Variants in EYS observed in about 807,000 individuals in gnomAD.
EYS encodes protein eyes shut homolog.
Under a neutral mutation model 282.1 loss-of-function variants are expected in EYS, and 250 were observed. The observed-to-expected ratio is 0.89, with a 90% confidence interval of 0.80 to 0.98. The LOEUF (loss-of-function observed/expected upper bound fraction) is 0.98, where lower values mean the gene tolerates loss of function less well. EYS is among the 50% of genes least tolerant of loss of function. The pLI is 0.00. For missense variants in EYS, 4,016 were observed against 3,709.0 expected, an observed-to-expected ratio of 1.08 and a Z score of -2.15; for synonymous variants, 1,355 against 1,282.9, an observed-to-expected ratio of 1.06 and a Z score of -1.20.
intron 29 of EYS, among the ~76,000 whole-genome samples, chr6:64,338,818 G>A (rs144512215): frequency 1.3e-3 from 195 of 152,002 alleles, no homozygotes; most frequent in African/African-American, 4.5e-3. Flanking sequence ...AGACAACCCA[G>A]AAATAAACTC....
At chr6:64,953,641 T>C (rs557020704) in intron 14 of EYS, among the ~76,000 whole-genome samples, 18 of 151,962 alleles carry the variant, frequency 1.2e-4, no homozygotes, top group Non-Finnish European at 2.5e-4. Flanking sequence ...TGATTTATCT[T>C]GGTGCTTTAA....
At chr6:64,552,116 C>A (rs1765103332) in intron 26 of EYS, among the ~76,000 whole-genome samples, 1 of 152,112 alleles carries the variant, frequency 6.6e-6, no homozygotes, top group African/African-American at 2.4e-5. Context: ...TAGTTCAGGC[C>A]ATGATAGGAA....
chr6:65,313,452 C>T (rs1769216252), intron 11 of EYS, among the ~76,000 whole-genome samples: 2 of 151,682 alleles, frequency 1.3e-5, no homozygotes. Flanking sequence ...CTCAGACATA[C>T]TGTGATCACA....
chr6:64,345,816 A>G (rs555436199), intron 29 of EYS, among the ~76,000 whole-genome samples: 1 of 152,232 alleles, frequency 6.6e-6, no homozygotes, highest in Admixed American at 6.5e-5. Context: ...ACAAAGGGCT[A>G]ATATCCAGAA....
chr6:65,435,880 A>T (rs61023817), intron 5 of EYS, among the ~76,000 whole-genome samples: 1,652 of 152,278 alleles, frequency 0.011, 26 homozygotes, highest in African/African-American at 0.038. Flanking sequence ...AGGGAAGACC[A>T]TGTGAGGACA....
At chr6:64,417,633 T>G (rs1774096757) in intron 28 of EYS, among the ~76,000 whole-genome samples, 1 of 151,650 alleles carries the variant, frequency 6.6e-6, no homozygotes, top group South Asian at 2.1e-4. Context: ...GTTTTTCAAC[T>G]CTAGCAAATA....
chr6:64,316,665 C>T (rs1268298342), intron 29 of EYS, among the ~76,000 whole-genome samples: 1 of 152,052 alleles, frequency 6.6e-6, no homozygotes, highest in Non-Finnish European at 1.5e-5. Context: ...TCAATTCTAT[C>T]CCCATCAAGC....
intron 5 of EYS, among the ~76,000 whole-genome samples, chr6:65,432,411 C>A (rs1019737591): frequency 3.3e-5 from 5 of 151,884 alleles, no homozygotes; most frequent in African/African-American, 1.2e-4. Context: ...TATGTAATAA[C>A]CATTATAATT....
intron 19 of EYS, among the ~76,000 whole-genome samples, chr6:64,879,058 G>T (rs1259461928): frequency 6.6e-6 from 1 of 152,116 alleles, no homozygotes; most frequent in East Asian, 1.9e-4. Context: ...AAAATAAGTT[G>T]AATTTTATGT....
intron 8 of EYS, among the ~76,000 whole-genome samples, chr6:65,364,877 C>A (rs1764855403): frequency 6.6e-6 from 1 of 151,710 alleles, no homozygotes; most frequent in South Asian, 2.1e-4. Flanking sequence ...ATTCATTATT[C>A]AAATGCGAAA....
intron 35 of EYS, among the ~76,000 whole-genome samples, chr6:63,916,290 G>A (rs960091912): frequency 6.6e-6 from 1 of 152,204 alleles, no homozygotes; most frequent in African/African-American, 2.4e-5. Flanking sequence ...TGGTATAAAT[G>A]TAGTAGTGGA....
At chr6:65,190,035 T>C (rs1203081111) in intron 12 of EYS, among the ~76,000 whole-genome samples, 2 of 151,558 alleles carry the variant, frequency 1.3e-5, no homozygotes, top group African/African-American at 2.4e-5. Context: ...TGATATTCCC[T>C]AGTGTTTGCA....
chr6:65,385,015 C>T (rs1346064293), intron 7 of EYS, among the ~76,000 whole-genome samples: 1 of 151,806 alleles, frequency 6.6e-6, no homozygotes, highest in Non-Finnish European at 1.5e-5. Context: ...AATCTATATT[C>T]CAGTCTACTG....
At chr6:63,731,974 G>C (rs1422644771) in intron 41 of EYS, among the ~76,000 whole-genome samples, 2 of 151,982 alleles carry the variant, frequency 1.3e-5, no homozygotes, top group African/African-American at 2.4e-5. Flanking sequence ...TGGGAGGGGG[G>C]GTCTCAAGAA....
chr6:64,103,503 C>A (rs1772903431), intron 31 of EYS, among the ~76,000 whole-genome samples: 1 of 151,996 alleles, frequency 6.6e-6, no homozygotes, highest in African/African-American at 2.4e-5. Context: ...GCAAGGGGAG[C>A]AATGTAGCAA....
intron 2 of EYS, among the ~76,000 whole-genome samples, chr6:65,627,889 G>T (rs572437896): frequency 2.0e-5 from 3 of 152,200 alleles, no homozygotes; most frequent in African/African-American, 7.2e-5. Context: ...GCTCTACGGC[G>T]CCCAGTCCCA....
At chr6:65,630,625 A>G (rs868267651) in intron 2 of EYS, among the ~76,000 whole-genome samples, 29 of 152,378 alleles carry the variant, frequency 1.9e-4, no homozygotes, top group African/African-American at 6.5e-4. Context: ...TCATATGCAG[A>G]TATCTTGAAA....
intron 31 of EYS, among the ~76,000 whole-genome samples, chr6:64,098,648 T>A (rs1772718395): frequency 6.6e-6 from 1 of 151,312 alleles, no homozygotes; most frequent in Admixed American, 6.6e-5. Context: ...TCGCCCAGGC[T>A]GGAGTGCGGT....
intron 28 of EYS, among the ~76,000 whole-genome samples, chr6:64,393,358 T>G (rs553279217): frequency 6.6e-6 from 1 of 152,206 alleles, no homozygotes. Context: ...ATATCCTTGA[T>G]GAACATTGAT....
Sources: gnomAD v4.1 joint callset for allele counts (sites outside exome capture counted in the v4.1 genomes callset) on GRCh38, gnomAD v4.1.1 for gene constraint, MANE v1.5 for transcripts, NCBI Gene and HGNC (gene_info 2026-07-23, HGNC 2026-07-21) for gene names.